MBD5: variants seen among roughly 807,000 people sequenced by gnomAD.
MBD5 encodes methyl-CpG-binding domain protein 5.
In MBD5, 13 loss-of-function variants were observed where a neutral mutation model predicts 117.3. That is an observed-to-expected ratio of 0.11 (90% CI 0.07 to 0.18). MBD5 has a LOEUF of 0.18. Among genes scored for constraint, MBD5 ranks in the 10% least tolerant of loss-of-function variants. The probability of loss-of-function intolerance (pLI) is 1.00; values close to 1 mark genes in which losing one functional copy is unlikely to be tolerated. For synonymous variants in MBD5, 727 were observed against 766.4 expected (o/e 0.95, Z 0.85); for missense variants, 1,879 against 2,093.8 (o/e 0.90, Z 2.00).
At chr2:148,243,469 C>T (rs564400829) in intron 3 of MBD5, among the ~76,000 whole-genome samples, 16 of 151,964 alleles carry the variant, frequency 1.1e-4, no homozygotes, top group East Asian at 3.9e-4. Flanking sequence ...AACCTGTTTA[C>T]GTAGATTATT....
intron 1 of MBD5, among the ~76,000 whole-genome samples, chr2:148,140,105 C>T (rs1697276275): frequency 6.6e-6 from 1 of 152,156 alleles, no homozygotes; most frequent in Admixed American, 6.5e-5. Context: ...TAAAGGATTT[C>T]TCTATATTTG....
intron 1 of MBD5, among the ~76,000 whole-genome samples, chr2:148,172,155 A>G (rs1698278168): frequency 1.3e-5 from 2 of 152,318 alleles, no homozygotes; most frequent in South Asian, 4.1e-4. Context: ...AGGTGCAGCC[A>G]AAGCTGGGTG....
intron 1 of MBD5, among the ~76,000 whole-genome samples, chr2:148,159,882 T>C (rs1244941671): frequency 6.6e-6 from 1 of 152,124 alleles, no homozygotes; most frequent in Non-Finnish European, 1.5e-5. Flanking sequence ...AAAACCAAGA[T>C]TTGGATCCAG....
intron 4 of MBD5, among the ~76,000 whole-genome samples, chr2:148,447,268 GGAAA>G (rs55958961): frequency 0.1 from 11,908 of 113,790 alleles, 945 homozygotes; most frequent in African/African-American, 0.2. Context: ...AAGGAAGGAA[GGAAA>G]GAAAGTAGAG....
rs557189038 is a variant in MBD5, at chr2:148,119,485, A to T, written c.-924-59215A>T. ...TCACCTTCTTGATGGTGTTCTATGC[A>T]GTACGAAATGTCCTAGTTTTGATGA... is the stretch of plus-strand genomic sequence containing the variant. On this transcript the variant is annotated intron_variant, in intron 1 of 13. Transcript: ENST00000642680. Among the ~76,000 whole-genome samples the T allele has an allele frequency of 2.0e-5, 3 of 152,268 alleles. No individual in the cohort carries two copies. In the East Asian group the frequency reaches 5.8e-4, roughly 29 times the overall value.
At chr2:148,254,616 G>A (rs371861847) in intron 3 of MBD5, among the ~76,000 whole-genome samples, 8 of 152,118 alleles carry the variant, frequency 5.3e-5, no homozygotes, top group Admixed American at 1.3e-4. Context: ...CAGGTACAAC[G>A]TCTGCTGGTA....
At chr2:148,160,267 G>A (rs1033595584) in intron 1 of MBD5, among the ~76,000 whole-genome samples, 29 of 152,198 alleles carry the variant, frequency 1.9e-4, no homozygotes, top group African/African-American at 6.0e-4. Flanking sequence ...GCATGGTGGC[G>A]GGTGCCTGTA....
chr2:148,327,373 A>C (rs1484641334), intron 3 of MBD5, among the ~76,000 whole-genome samples: 1 of 151,854 alleles, frequency 6.6e-6, no homozygotes, highest in Non-Finnish European at 1.5e-5. Flanking sequence ...CCTGAATCTG[A>C]ATGTTGGCCT....
chr2:148,209,232 AG>A (rs1699360868), intron 2 of MBD5, among the ~76,000 whole-genome samples: 2 of 152,190 alleles, frequency 1.3e-5, no homozygotes, highest in Admixed American at 6.5e-5. Context: ...TTAGTACTCT[AG>A]TCAGAATGTT....
chr2:148,515,567 T>A lies in MBD5; in HGVS notation c.*2626T>A. On this transcript the variant is annotated 3_prime_UTR_variant, in exon 14 of 14. Coordinates refer to ENST00000642680, the MANE Select transcript of MBD5 (RefSeq NM_001378120.1). ...GTCACTCGCACTTCAATTTTGCCCA[T>A]AGAGCCATTTCTTTGTCTTTGTATT... is the stretch of plus-strand genomic sequence containing the variant. The A allele has an allele frequency of 6.6e-6, 1 of 152,222 alleles. No homozygotes were observed. The highest frequency in any genetic ancestry group is 1.5e-5 in the Non-Finnish European group (1 of 68,034). 9.4% of individuals were successfully genotyped at this position (152,222 alleles called of 1,614,324 possible). A position where few individuals can be genotyped will look rare whatever the true frequency, so the allele number is the denominator to read the frequency against.
intron 5 of MBD5, chr2:148,460,226 A>T (rs1707026164): frequency 6.6e-6 from 1 of 152,110 alleles, no homozygotes; most frequent in Non-Finnish European, 1.5e-5. Context: ...AAGATAGATG[A>T]GCTTTTTCAA....
At chr2:148,126,398 T>G (rs988721941) in intron 1 of MBD5, among the ~76,000 whole-genome samples, 60 of 68,040 alleles carry the variant, frequency 8.8e-4, no homozygotes, top group Non-Finnish European at 1.4e-3. Context: ...AGAGGGAGAC[T>G]CCATCTCAAA....
chr2:148,311,839 G>T lies in MBD5; in HGVS notation c.-679-30375G>T, dbSNP rs1469723797. On this transcript the variant is annotated intron_variant, in intron 3 of 13. Transcript: ENST00000642680. ...TCCTTCAGGAGCTCTTGTAAGGCAG[G>T]CCTGGTGGTGATAAAATCTCTCAGC... Among the ~76,000 whole-genome samples the T allele has an allele frequency of 2.0e-5, 3 of 152,174 alleles. No homozygotes were observed. The East Asian group carries it at 5.8e-4, about 29-fold the overall frequency.
chr2:148,028,622 T>A (rs1241928950), intron 1 of MBD5: 5 of 152,074 alleles, frequency 3.3e-5, no homozygotes, highest in Non-Finnish European at 5.9e-5. Flanking sequence ...ACTGTATAAG[T>A]ACATTTACTG....
rs115519938 is a variant in MBD5 at position 148,219,645 on chromosome 2, A to G, written c.-830-13600A>G. ...GTTTGCTATTATTAGGCATACAGAA[A>G]CACACAAAAATTCAGTATTGTGTAA... On this transcript the variant is annotated intron_variant, in intron 2 of 13. Coordinates refer to ENST00000642680, the MANE Select transcript of MBD5 (RefSeq NM_001378120.1). 4.9e-3 allele frequency among the ~76,000 whole-genome samples: 753 copies of G among 152,314 alleles called. 7 individuals are homozygous for G. The highest frequency in any genetic ancestry group is 6.4e-3 in the Non-Finnish European group (433 of 68,036).
chr2:148,426,458 A>G (rs1705789830), intron 4 of MBD5, among the ~76,000 whole-genome samples: 2 of 152,064 alleles, frequency 1.3e-5, no homozygotes, highest in South Asian at 2.1e-4. Flanking sequence ...ACAGAGATAT[A>G]GACCAATGGA....
rs567560107 is a variant in MBD5, at chr2:148,135,814, G to A, written c.-924-42886G>A. Among the ~76,000 whole-genome samples, 9 of 152,250 alleles carry A rather than the reference G, an allele frequency of 5.9e-5. No homozygotes were observed. In the South Asian group the frequency reaches 1.9e-3, roughly 32 times the overall value. On this transcript the variant is annotated intron_variant, in intron 1 of 13. Transcript: ENST00000642680. ...AGCAACTCTGACCATCTTTGTGTCT[G>A]TTTGGAAGTCTTCCACAAACACCAG...
Position 148,305,012 on chromosome 2 carries a change from C to T in MBD5, c.-679-37202C>T, listed in dbSNP as rs547959566. Among the ~76,000 whole-genome samples the T allele has an allele frequency of 7.9e-4, 120 of 151,496 alleles. 3 individuals carry two copies. The highest frequency in any genetic ancestry group is 2.7e-3 in the African/African-American group (113 of 41,362). On this transcript the variant is annotated intron_variant, in intron 3 of 13. Coordinates refer to ENST00000642680, the MANE Select transcript of MBD5 (RefSeq NM_001378120.1). ...CCCGGGAGGCGGAGCTTGCAGTGAG[C>T]CGAGATCCCGCCACTGCACTCCAGC...
chr2:148,034,435 A>G (rs374404172), intron 1 of MBD5, among the ~76,000 whole-genome samples: 25 of 152,222 alleles, frequency 1.6e-4, no homozygotes, highest in African/African-American at 6.0e-4. Context: ...AGGCTGCTTC[A>G]TCAAATAAGG....
Sources: allele counts gnomAD v4.1 joint callset (sites outside exome capture counted in the v4.1 genomes callset), GRCh38; gene constraint gnomAD v4.1.1; transcripts MANE v1.5; gene names NCBI Gene and HGNC (gene_info 2026-07-23, HGNC 2026-07-21).